Variants in LARP4B observed in about 807,000 individuals in gnomAD.
LARP4B encodes La ribonucleoprotein 4B.
LARP4B carries 12 observed loss-of-function variants against 89.8 expected under a neutral mutation model. The ratio of observed to expected loss-of-function variants is 0.13; its 90% CI spans 0.09 to 0.22. The LOEUF (loss-of-function observed/expected upper bound fraction) is 0.22. LARP4B is among the 10% of genes least tolerant of loss of function. LARP4B has a pLI of 1.00. For synonymous variants in LARP4B, 367 were observed against 363.3 expected, an observed-to-expected ratio of 1.01 and a Z score of -0.12; for missense variants, 757 against 947.7, an observed-to-expected ratio of 0.80 and a Z score of 2.64.
intron 8 of LARP4B, among the ~76,000 whole-genome samples, chr10:834,389 T>C (rs1252055637): frequency 6.6e-6 from 1 of 152,230 alleles, no homozygotes; most frequent in African/African-American, 2.4e-5. Flanking sequence ...CCTCTGCCTC[T>C]GGGAAAATCC....
the LARP4B span, among the ~76,000 whole-genome samples, chr10:938,274 G>A: frequency 2.8e-5 from 4 of 144,070 alleles, no homozygotes; most frequent in African/African-American, 1.0e-4. Flanking sequence ...TTTTGGAGAC[G>A]GAGTCTCGCT....
intron 1 of LARP4B, among the ~76,000 whole-genome samples, chr10:928,873 C>G (rs1202552661): frequency 1.4e-5 from 2 of 146,820 alleles, no homozygotes; most frequent in Non-Finnish European, 3.1e-5. Context: ...CTCACCCAGC[C>G]TGCACGTATT....
At chr10:966,863 G>A in the LARP4B span, among the ~76,000 whole-genome samples, 1 of 152,164 alleles carries the variant, frequency 6.6e-6, no homozygotes, top group East Asian at 1.9e-4. Context: ...TGGAGAAGGT[G>A]TGTTCTCTGG....
chr10:880,648 T>G (rs1051094880), intron 3 of LARP4B, among the ~76,000 whole-genome samples: 1 of 151,692 alleles, frequency 6.6e-6, no homozygotes, highest in East Asian at 1.9e-4. Flanking sequence ...ATCGCACTAC[T>G]GCACTATAGC....
chr10:825,377 G>A, intron 12 of LARP4B, 61 bp from the exon 13 acceptor site: 2 of 1,513,842 alleles, frequency 1.3e-6, no homozygotes, highest in African/African-American at 1.4e-5. Context: ...TACATAACAT[G>A]CATACTGACA....
the LARP4B span, among the ~76,000 whole-genome samples, chr10:959,813 C>T: frequency 7.4e-6 from 1 of 134,822 alleles, no homozygotes; most frequent in African/African-American, 2.9e-5. Context: ...TCATTCCCAC[C>T]TCCTCGTCAT....
rs778831208 is a variant in LARP4B, at chr10:836,515, A to T, written c.647-9T>A. The T allele has an allele frequency of 1.9e-6, 3 of 1,569,046 alleles. No homozygotes were observed. Among genetic ancestry groups the T allele is most frequent in the Non-Finnish European group, 1.8e-6 (2 of 1,142,766 alleles). ...TTGGACTAAAGGTAAAGCTACAAAG[A>T]GAAGAAAAATCAATGGTGAAACAAA... On this transcript the variant is annotated splice_polypyrimidine_tract_variant and intron_variant, in intron 7 of 17. Transcript: ENST00000316157.
chr10:969,418 G>A, the LARP4B span, among the ~76,000 whole-genome samples: 4 of 152,086 alleles, frequency 2.6e-5, no homozygotes, highest in Admixed American at 2.0e-4. Flanking sequence ...GGTAGATAGA[G>A]GAGTGATGTG....
intron 11 of LARP4B, 124 bp downstream of exon 11, chr10:829,261 G>C (rs759228909): frequency 1.0e-4 from 81 of 787,038 alleles, no homozygotes; most frequent in Non-Finnish European, 1.3e-4. Context: ...CACATAACTT[G>C]AAGGTCTGTT....
intron 1 of LARP4B, among the ~76,000 whole-genome samples, chr10:929,310 G>A (rs1200954532): frequency 6.6e-6 from 1 of 152,166 alleles, no homozygotes; most frequent in Admixed American, 6.5e-5. Context: ...TAAAAATTCA[G>A]TAAGCTGGGC....
At chr10:928,796 G>A (rs2132067498) in intron 1 of LARP4B, among the ~76,000 whole-genome samples, 1 of 152,218 alleles carries the variant, frequency 6.6e-6, no homozygotes, top group East Asian at 1.9e-4. Flanking sequence ...TGCCCAGGCT[G>A]GTGAACTCCT....
Sources: gnomAD v4.1 joint callset for allele counts (sites outside exome capture counted in the v4.1 genomes callset) on GRCh38, gnomAD v4.1.1 for gene constraint, MANE v1.5 for transcripts, NCBI Gene and HGNC (gene_info 2026-07-23, HGNC 2026-07-21) for gene names.